The following GHR variants were observed in gnomAD, a reference collection of about 807,000 sequenced individuals.
GHR encodes growth hormone receptor.
In GHR, 35 loss-of-function variants were observed where a neutral mutation model predicts 67.1. The observed-to-expected ratio is 0.52, with a 90% CI of 0.40 to 0.69. The LOEUF (loss-of-function observed/expected upper bound fraction) is 0.69. GHR is among the 30% of genes least tolerant of loss of function. The pLI is 0.00. For synonymous variants in GHR, 272 were observed against 269.1 expected (o/e 1.01, Z -0.10); for missense variants, 792 against 764.6 (o/e 1.04, Z -0.42).
At chr5:42,510,229 C>A (rs896668273) in intron 1 of GHR, among the ~76,000 whole-genome samples, 1 of 152,212 alleles carries the variant, frequency 6.6e-6, no homozygotes, top group African/African-American at 2.4e-5. Context: ...TGCTACTGTT[C>A]TGGTCCAAGC....
At chr5:42,604,158 G>A (rs1015730973) in intron 2 of GHR, among the ~76,000 whole-genome samples, 1 of 152,184 alleles carries the variant, frequency 6.6e-6, no homozygotes, top group South Asian at 2.1e-4. Context: ...ACAACCCTTC[G>A]GACATGTAGA....
Position 42,612,650 on chromosome 5 carries a change from CAAAG to C in GHR, c.71-16386_71-16383del, listed in dbSNP as rs1355090274. On this transcript the variant is annotated intron_variant, in intron 2 of 9. Transcript: ENST00000230882. Reference sequence around the variant, plus strand: ...CTCTTATTATCTGTATTCTCAGAAACAAAGAGTATAAACAAAGAGAAAGGGCATG... The same window carrying C: ...CTCTTATTATCTGTATTCTCAGAAACAGTATAAACAAAGAGAAAGGGCATG... Among the ~76,000 whole-genome samples the C allele has an allele frequency of 3.3e-5, 5 of 152,136 alleles. No individual in the cohort carries two copies. The East Asian group carries it at 9.7e-4, about 29-fold the overall frequency.
At chr5:42,485,058 A>T (rs1345125403) in intron 1 of GHR, among the ~76,000 whole-genome samples, 1 of 152,118 alleles carries the variant, frequency 6.6e-6, no homozygotes, top group Non-Finnish European at 1.5e-5. Flanking sequence ...AAAAATGAAA[A>T]ACGATTCCTA....
chr5:42,674,363 C>G (rs1756465315), intron 3 of GHR, among the ~76,000 whole-genome samples: 1 of 152,038 alleles, frequency 6.6e-6, no homozygotes, highest in Admixed American at 6.5e-5. Context: ...TGAGATAAAA[C>G]CCAAATAGCA....
At chr5:42,579,921 A>C (rs1751066009) in intron 2 of GHR, among the ~76,000 whole-genome samples, 5 of 151,826 alleles carry the variant, frequency 3.3e-5, no homozygotes, top group Admixed American at 3.3e-4. Context: ...TTTTTTTTAA[A>C]ATCATTACAC....
chr5:42,614,222 C>T (rs945056273), intron 2 of GHR, among the ~76,000 whole-genome samples: 2 of 151,974 alleles, frequency 1.3e-5, no homozygotes, highest in Non-Finnish European at 1.5e-5. Context: ...GTTGTGACAC[C>T]GTTTTCATCC....
intron 5 of GHR, 64 bp downstream of exon 5, chr5:42,695,153 A>C: frequency 9.2e-7 from 1 of 1,092,844 alleles, no homozygotes. Context: ...GAAGCCTGCA[A>C]GGTCCAAGTA....
chr5:42,508,174 G>A (rs1033450892), intron 1 of GHR, among the ~76,000 whole-genome samples: 3 of 152,200 alleles, frequency 2.0e-5, no homozygotes, highest in African/African-American at 7.2e-5. Context: ...AGAATTGCTG[G>A]TCAGTTCAGC....
intron 3 of GHR, among the ~76,000 whole-genome samples, chr5:42,674,327 T>G (rs1216749940): frequency 6.6e-6 from 1 of 152,244 alleles, no homozygotes; most frequent in Non-Finnish European, 1.5e-5. Context: ...ATTTTTTGCT[T>G]TGTATGTTTT....
At chr5:42,453,414 G>A (rs1370490007) in intron 1 of GHR, among the ~76,000 whole-genome samples, 3 of 152,208 alleles carry the variant, frequency 2.0e-5, no homozygotes, top group East Asian at 1.9e-4. Flanking sequence ...GTGGGTAGAT[G>A]TAATACCCAA....
Position 42,424,668 on chromosome 5 carries a change from G to C in GHR, c.-12+713G>C. On this transcript the variant is annotated intron_variant, in intron 1 of 9. Coordinates refer to ENST00000230882, the MANE Select transcript of GHR (RefSeq NM_000163.5). This position sits in a 1 kb window ranked among gnomAD's most constrained non-coding sequence, Gnocchi z 4.1. ...CACTAGTGGTTGTAAAATCAACCAG[G>C]CTTAAAGTTTTGACAGAACTGCCAG... is the stretch of plus-strand genomic sequence containing the variant. 2.1e-6 allele frequency: 3 copies of C among 1,405,472 alleles called. No homozygotes were observed. The highest frequency in any genetic ancestry group is 2.9e-6 in the Non-Finnish European group (3 of 1,027,860). 87.1% of individuals were successfully genotyped at this position (1,405,472 alleles called of 1,614,324 possible).
At chr5:42,713,660 A>T (rs895272133) in intron 8 of GHR, 141 bp downstream of exon 8, 2 of 647,948 alleles carry the variant, frequency 3.1e-6, no homozygotes, top group East Asian at 5.5e-5. Flanking sequence ...ATCTCCAGTT[A>T]TATATTTACC....
chr5:42,550,072 C>T (rs1748939264), intron 1 of GHR: 2 of 973,316 alleles, frequency 2.1e-6, no homozygotes, highest in Non-Finnish European at 2.4e-6. Context: ...TATTGTCTGC[C>T]TGATGATCAA....
chr5:42,626,847 C>G (rs1181651952), intron 2 of GHR, among the ~76,000 whole-genome samples: 1 of 152,134 alleles, frequency 6.6e-6, no homozygotes, highest in Non-Finnish European at 1.5e-5. Context: ...GCCATGCTGA[C>G]CCTCTAAGAA....
intron 3 of GHR, among the ~76,000 whole-genome samples, chr5:42,654,526 C>T (rs1247490305): frequency 6.6e-6 from 1 of 152,158 alleles, no homozygotes; most frequent in African/African-American, 2.4e-5. Flanking sequence ...ATTACACTGT[C>T]TTCCAAATGT....
intron 1 of GHR, among the ~76,000 whole-genome samples, chr5:42,449,856 C>T (rs1489535168): frequency 6.6e-6 from 1 of 152,142 alleles, no homozygotes; most frequent in Non-Finnish European, 1.5e-5. Flanking sequence ...TGGATTTTGT[C>T]AAATGCTTTT....
chr5:42,500,283 G>A (rs930684366), intron 1 of GHR, among the ~76,000 whole-genome samples: 4 of 152,172 alleles, frequency 2.6e-5, no homozygotes, highest in Admixed American at 6.5e-5. Context: ...ACATATCTAC[G>A]GGCCATACTC....
intron 3 of GHR, among the ~76,000 whole-genome samples, chr5:42,661,729 G>A (rs1421531744): frequency 6.6e-6 from 1 of 152,168 alleles, no homozygotes; most frequent in East Asian, 1.9e-4. Flanking sequence ...ACATCATAAT[G>A]ACAGGATCAA....
Position 42,622,181 on chromosome 5 carries a change from G to A in GHR, c.71-6857G>A, listed in dbSNP as rs558103396. 4.6e-5 allele frequency among the ~76,000 whole-genome samples: 7 copies of A among 152,242 alleles called. No homozygotes were observed. The East Asian group carries it at 7.7e-4, about 17-fold the overall frequency. On this transcript the variant is annotated intron_variant, in intron 2 of 9. Transcript: ENST00000230882. ...GGCCTGGCTGCTAAGGACATCACACGTCTCACCTGCTTCTTTGAGAATTGA... is the reference window on the plus strand; with the variant it reads ...GGCCTGGCTGCTAAGGACATCACACATCTCACCTGCTTCTTTGAGAATTGA...
Sources: allele counts gnomAD v4.1 joint callset (sites outside exome capture counted in the v4.1 genomes callset), GRCh38; gene constraint gnomAD v4.1.1; non-coding constraint Gnocchi (gnomAD v3.1); transcripts MANE v1.5; gene names NCBI Gene and HGNC (gene_info 2026-07-23, HGNC 2026-07-21).